NRCAM: variants seen among roughly 807,000 people sequenced by gnomAD.
NRCAM encodes NgCAM-related cell adhesion molecule.
Under a neutral mutation model 156.5 loss-of-function variants are expected in NRCAM, and 83 were observed. The observed-to-expected ratio is 0.53, with a 90% CI of 0.44 to 0.64. The LOEUF (loss-of-function observed/expected upper bound fraction) is 0.64, where lower values mean the gene tolerates loss of function less well. Among genes scored for constraint, NRCAM ranks in the 30% least tolerant of loss-of-function variants. The pLI is 0.00. For missense variants in NRCAM, 1,417 were observed against 1,597.3 expected, an observed-to-expected ratio of 0.89 and a Z score of 1.92; for synonymous variants, 538 against 563.9, an observed-to-expected ratio of 0.95 and a Z score of 0.65.
Position 108,180,383 on chromosome 7 carries a change from ACG to A in NRCAM, c.2689_2690del (p.Arg897SerfsTer3), listed in dbSNP as rs867323705. ...AGGTGAGGATCTTTTTCTCAATGTG[ACG>A]TCTGTTTCTTTTAGATGAACTCTGG... ...KTQSSSKRNR[R>X]HIEKKILTFQ... On this transcript the variant is annotated frameshift_variant, in exon 25 of 33. Transcript: ENST00000379028. LOFTEE classifies it high-confidence loss of function. The A allele has an allele frequency of 6.2e-7, 1 of 1,614,234 alleles. No homozygotes were observed. The highest frequency in any genetic ancestry group is 8.5e-7 in the Non-Finnish European group (1 of 1,180,026).
intron 1 of NRCAM, among the ~76,000 whole-genome samples, chr7:108,403,322 T>C (rs992210616): frequency 6.6e-6 from 1 of 152,200 alleles, no homozygotes; most frequent in South Asian, 2.1e-4. Flanking sequence ...TACGAAATAT[T>C]CATTATGCCA....
rs370035295 is a variant in NRCAM, at chr7:108,181,930, C to T, written c.2538G>A (p.Met846Ile). Residue 846 changes from methionine (M) to isoleucine (I), a missense_variant, in exon 24 of 33, where the codon ATG becomes ATA. By Grantham distance (10) the Met-to-Ile change is conservative. This residue lies in a region of NRCAM where 1,238 missense variants were observed against 1,336.4 expected (regional missense o/e 0.93). Coordinates refer to ENST00000379028, the MANE Select transcript of NRCAM (RefSeq NM_001037132.4). ...TCACACGCACGTTCCCAGGAGCCAC[C>T]ATTGGGACTAGGAAAAGGACAGGGA... ...VMGHSGEDLP[M>I]VAPGNVRVNV... The T allele has an allele frequency of 2.5e-6, 4 of 1,611,910 alleles. No individual in the cohort carries two copies. Among genetic ancestry groups the T allele is most frequent in the African/African-American group, 1.3e-5 (1 of 74,830 alleles).
chr7:108,240,141 G>GCACA lies in NRCAM; in HGVS notation c.-78_-77insTGTG. 8 of 965,990 alleles carry GCACA rather than the reference G, an allele frequency of 8.3e-6. No homozygotes were observed. Among genetic ancestry groups the GCACA allele is most frequent in the Non-Finnish European group, 1.3e-5 (8 of 611,468 alleles). 59.8% of individuals were successfully genotyped at this position (965,990 alleles called of 1,614,324 possible). A position where few individuals can be genotyped will look rare whatever the true frequency, so the allele number is the denominator to read the frequency against. ...CAAAAGATTTTGTGAAACGTTGTGT[G>GCACA]CAACGTTTAAGTAATTTTCATGCGG... On this transcript the variant is annotated 5_prime_UTR_variant, in exon 4 of 33. Coordinates refer to ENST00000379028, the MANE Select transcript of NRCAM (RefSeq NM_001037132.4).
At chr7:108,259,613 A>G (rs979658274) in intron 3 of NRCAM, among the ~76,000 whole-genome samples, 7 of 152,232 alleles carry the variant, frequency 4.6e-5, no homozygotes, top group Admixed American at 1.3e-4. Context: ...TCAGTGATAG[A>G]TCGGATAAAG....
rs922851541 is a variant in NRCAM at position 108,356,212 on chromosome 7, G to A, written c.-174+43224C>T. 3.9e-5 allele frequency among the ~76,000 whole-genome samples: 6 copies of A among 152,212 alleles called. No individual in the cohort carries two copies. The East Asian group carries it at 1.2e-3, about 29-fold the overall frequency. On this transcript the variant is annotated intron_variant, in intron 2 of 32. Coordinates refer to ENST00000379028, the MANE Select transcript of NRCAM (RefSeq NM_001037132.4). ...TCTGCCTGCCTTGGCCTCCCAAAGT[G>A]CTGGGATTACAGGCATAAGCCACTG...
At chr7:108,315,129 A>G (rs992346561) in intron 2 of NRCAM, among the ~76,000 whole-genome samples, 11 of 152,186 alleles carry the variant, frequency 7.2e-5, no homozygotes, top group Non-Finnish European at 1.6e-4. Flanking sequence ...TATCTGCACA[A>G]GTATGTATTT....
chr7:108,166,932 T>G lies in NRCAM; in HGVS notation c.3455A>C (p.Glu1152Ala). The part of the protein sequence containing the change: ...SGFVSSEDVF[E>A]TGPAMASRQV... ...GGTGTGAGCCTCACCTGGGCCTGTC[T>G]CAAACACATCCTCTGAACTCACAAA... Residue 1152 changes from glutamate to alanine, a missense_variant, in exon 30 of 33, where the codon GAG (glutamate) becomes GCG (alanine). This residue lies in a region of NRCAM where 179 missense variants were observed against 260.9 expected (regional missense o/e 0.69). Coordinates refer to ENST00000379028, the MANE Select transcript of NRCAM (RefSeq NM_001037132.4). The G allele has an allele frequency of 6.2e-7, 1 of 1,613,820 alleles. No homozygotes were observed. The highest frequency in any genetic ancestry group is 8.5e-7 in the Non-Finnish European group (1 of 1,179,852).
At chr7:108,321,304 A>G (rs2098998211) in intron 2 of NRCAM, among the ~76,000 whole-genome samples, 1 of 152,246 alleles carries the variant, frequency 6.6e-6, no homozygotes, top group African/African-American at 2.4e-5. Context: ...TTGCTTATAA[A>G]GAAAAGAGGT....
At chr7:108,294,589 A>G (rs905205058) in intron 3 of NRCAM, among the ~76,000 whole-genome samples, 1 of 152,224 alleles carries the variant, frequency 6.6e-6, no homozygotes, top group Non-Finnish European at 1.5e-5. Context: ...TGAACCAAGA[A>G]TAAACAAAAT....
intron 3 of NRCAM, among the ~76,000 whole-genome samples, chr7:108,268,027 AATAT>A (rs1430634261): frequency 1.4e-4 from 2 of 13,996 alleles, no homozygotes; most frequent in Non-Finnish European, 1.5e-4. Context: ...TTTTCTCATT[AATAT>A]AGCAAATAAG....
intron 1 of NRCAM, among the ~76,000 whole-genome samples, chr7:108,419,855 G>A (rs1458525557): frequency 6.6e-6 from 1 of 152,128 alleles, no homozygotes; most frequent in Non-Finnish European, 1.5e-5. Flanking sequence ...TGTCCAGTAG[G>A]CATTAAGTCT....
intron 2 of NRCAM, among the ~76,000 whole-genome samples, chr7:108,341,720 C>A (rs1563342534): frequency 6.6e-6 from 1 of 152,124 alleles, no homozygotes; most frequent in Non-Finnish European, 1.5e-5. Flanking sequence ...GCAGTACCCC[C>A]TTAGACCCGA....
chr7:108,375,581 G>C (rs1165421119), intron 2 of NRCAM, among the ~76,000 whole-genome samples: 1 of 152,022 alleles, frequency 6.6e-6, no homozygotes, highest in Admixed American at 6.6e-5. Flanking sequence ...ACTGCCTACA[G>C]AAAAAGAAAA....
chr7:108,312,235 A>G (rs1378908886), intron 3 of NRCAM, among the ~76,000 whole-genome samples: 1 of 152,200 alleles, frequency 6.6e-6, no homozygotes, highest in African/African-American at 2.4e-5. Context: ...GAGACAAGAA[A>G]AATCACTAAT....
At chr7:108,364,739 AAGAC>A (rs1332188122) in intron 2 of NRCAM, among the ~76,000 whole-genome samples, 2 of 151,738 alleles carry the variant, frequency 1.3e-5, no homozygotes, top group African/African-American at 4.8e-5. Flanking sequence ...AAAAAAAAAA[AAGAC>A]AGTTAAAAAA....
intron 2 of NRCAM, among the ~76,000 whole-genome samples, chr7:108,373,802 T>C (rs1448234008): frequency 2.0e-5 from 3 of 152,258 alleles, no homozygotes; most frequent in East Asian, 1.9e-4. Context: ...CTTAAGGTGA[T>C]TGATAACTTC....
At chr7:108,211,790 A>G (rs984215142) in intron 11 of NRCAM, among the ~76,000 whole-genome samples, 9 of 151,504 alleles carry the variant, frequency 5.9e-5, no homozygotes, top group African/African-American at 2.2e-4. Flanking sequence ...ACCTAGCCCT[A>G]CCCCCACCTG....
rs2094710832 is a variant in NRCAM at position 108,234,591 on chromosome 7, C to CGGTT, written c.218_221dup (p.Pro75ThrfsTer10). ...GCAGAATGCACACTCACCTTGGGGGCGGTTTCCCTTTGGCTTCACACTGGA... is the reference window on the plus strand; with the variant it reads ...GCAGAATGCACACTCACCTTGGGGGCGGTTGGTTTCCCTTTGGCTTCACACTGGA... On this transcript the variant is annotated frameshift_variant, in exon 6 of 33. Coordinates refer to ENST00000379028, the MANE Select transcript of NRCAM (RefSeq NM_001037132.4). LOFTEE classifies it high-confidence loss of function. The CGGTT allele has an allele frequency of 6.3e-7, 1 of 1,593,378 alleles. No individual in the cohort carries two copies. The highest frequency in any genetic ancestry group is 1.7e-5 in the Admixed American group (1 of 59,766).
chr7:108,150,735 AG>A (rs571909227), intron 32 of NRCAM: 165 of 533,884 alleles, frequency 3.1e-4, no homozygotes, highest in South Asian at 2.3e-3. Flanking sequence ...AGGATGCAGA[AG>A]AAACAAATGA....
Sources: allele counts gnomAD v4.1 joint callset (sites outside exome capture counted in the v4.1 genomes callset), GRCh38; gene constraint gnomAD v4.1.1; regional missense constraint gnomAD v4.1.1; transcripts MANE v1.5; gene names NCBI Gene and HGNC (gene_info 2026-07-23, HGNC 2026-07-21).